The following ZNF229 variants were observed in gnomAD, a reference collection of about 807,000 sequenced individuals.
ZNF229 encodes zinc finger protein 229.
In ZNF229, 10 loss-of-function variants were observed where a neutral mutation model predicts 11.8. That is an observed-to-expected ratio of 0.85 (90% CI 0.52 to 1.44). The LOEUF is 1.44. ZNF229 is among the 40% of genes most tolerant of loss of function. ZNF229 has a pLI of 0.00. For missense variants in ZNF229, 1,045 were observed against 1,015.1 expected, an observed-to-expected ratio of 1.03 and a Z score of -0.40; for synonymous variants, 368 against 374.8, an observed-to-expected ratio of 0.98 and a Z score of 0.21.
intron 4 of ZNF229, among the ~76,000 whole-genome samples, chr19:44,436,417 C>G (rs1347350): frequency 2.6e-5 from 4 of 151,768 alleles, no homozygotes; most frequent in Admixed American, 2.6e-4. Context: ...AAAAAAAGGG[C>G]ACCATTACTA....
intron 2 of ZNF229, among the ~76,000 whole-genome samples, chr19:44,443,975 AC>A (rs1971961281): frequency 6.6e-6 from 1 of 152,042 alleles, no homozygotes; most frequent in Non-Finnish European, 1.5e-5. Flanking sequence ...ATCCAGCAAC[AC>A]ATGGTATAAA....
rs1971592403 is a variant in ZNF229 at position 44,427,241 on chromosome 19, C to CG, written c.*1061_*1062insC. 1 of 126,144 alleles carries CG rather than the reference C, an allele frequency of 7.9e-6. No individual in the cohort carries two copies. Among genetic ancestry groups the CG allele is most frequent in the South Asian group, 2.9e-4 (1 of 3,422 alleles). The allele number at this position is 126,144 out of a possible 1,614,324, so 7.8% of individuals were successfully genotyped here. A position where few individuals can be genotyped will look rare whatever the true frequency, so the allele number is the denominator to read the frequency against. ...ACCATATCAGACTGTTTCTACAACC[C>CG]CCCCCCCCGCCCCCACTGATGGGGG... On this transcript the variant is annotated 3_prime_UTR_variant, in exon 6 of 6. Coordinates refer to ENST00000614049, the MANE Select transcript of ZNF229 (RefSeq NM_014518.4).
rs1217151825 is a variant in ZNF229, at chr19:44,426,720, C to A, written c.*1583G>T. 1 of 152,166 alleles carries A rather than the reference C, an allele frequency of 6.6e-6. No homozygotes were observed. The highest frequency in any genetic ancestry group is 1.5e-5 in the Non-Finnish European group (1 of 68,038). 9.4% of individuals were successfully genotyped at this position (152,166 alleles called of 1,614,324 possible). A position where few individuals can be genotyped will look rare whatever the true frequency, so the allele number is the denominator to read the frequency against. ...ATTTAAAAACTCCACCTTCTGCATGCGTTTTTGCCCAAGTGGGCAACTATC... is the reference window on the plus strand; with the variant it reads ...ATTTAAAAACTCCACCTTCTGCATGAGTTTTTGCCCAAGTGGGCAACTATC... On this transcript the variant is annotated 3_prime_UTR_variant, in exon 6 of 6. Transcript: ENST00000614049.
intron 4 of ZNF229, among the ~76,000 whole-genome samples, chr19:44,436,036 G>A (rs1036565176): frequency 1.3e-5 from 2 of 152,118 alleles, no homozygotes; most frequent in African/African-American, 2.4e-5. Flanking sequence ...TTATGAACCC[G>A]ACACAGCATG....
At chr19:44,443,425 A>G (rs1268242947) in intron 2 of ZNF229, among the ~76,000 whole-genome samples, 2 of 152,224 alleles carry the variant, frequency 1.3e-5, no homozygotes, top group East Asian at 3.8e-4. Flanking sequence ...AAATCAGGAT[A>G]TAGATTAGAG....
intron 1 of ZNF229, among the ~76,000 whole-genome samples, chr19:44,447,916 C>G (rs1457562022): frequency 2.6e-5 from 4 of 152,188 alleles, no homozygotes; most frequent in Non-Finnish European, 4.4e-5. Flanking sequence ...GGGACACTTA[C>G]AAGTGAAATT....
In ZNF229 at chr19:44,442,992, C is replaced by A; in HGVS notation, c.-145G>T. 1 of 941,778 alleles carries A rather than the reference C, an allele frequency of 1.1e-6. No homozygotes were observed. The allele number at this position is 941,778 out of a possible 1,614,324, so 58.3% of individuals were successfully genotyped here. A position where few individuals can be genotyped will look rare whatever the true frequency, so the allele number is the denominator to read the frequency against. ...AAGTTCCTGTCTCCACCTTTACTGT[C>A]CAGAGCGCGACTGCTTCCCATGGTC... is the stretch of plus-strand genomic sequence containing the variant. On this transcript the variant is annotated 5_prime_UTR_variant, in exon 3 of 6. Transcript: ENST00000614049.
intron 4 of ZNF229, among the ~76,000 whole-genome samples, chr19:44,440,110 G>A (rs1202825360): frequency 6.6e-6 from 1 of 151,876 alleles, no homozygotes; most frequent in African/African-American, 2.4e-5. Context: ...TTGTGTAGGG[G>A]GGAGCTTGCT....
intron 4 of ZNF229, among the ~76,000 whole-genome samples, chr19:44,437,997 A>G (rs1971843193): frequency 6.6e-6 from 1 of 152,216 alleles, no homozygotes; most frequent in Non-Finnish European, 1.5e-5. Flanking sequence ...GGAGAGGATC[A>G]GGAAAAATAA....
rs1972023693 is a variant in ZNF229, at chr19:44,447,571, C to G, written c.-236G>C. The G allele has an allele frequency of 6.6e-6, 1 of 152,128 alleles. No homozygotes were observed. Among genetic ancestry groups the G allele is most frequent in the Non-Finnish European group, 1.5e-5 (1 of 68,018 alleles). 9.4% of individuals were successfully genotyped at this position (152,128 alleles called of 1,614,324 possible). A position where few individuals can be genotyped will look rare whatever the true frequency, so the allele number is the denominator to read the frequency against. On this transcript the variant is annotated 5_prime_UTR_variant, in exon 2 of 6. Coordinates refer to ENST00000614049, the MANE Select transcript of ZNF229 (RefSeq NM_014518.4). ...TTCTCCTTCTTTTATACAATTATCT[C>G]CGAGAAACGAACAATTCCAAGAAGG...
chr19:44,444,181 C>G (rs887245626), intron 2 of ZNF229, among the ~76,000 whole-genome samples: 1 of 152,214 alleles, frequency 6.6e-6, no homozygotes, highest in Non-Finnish European at 1.5e-5. Context: ...CAGAGCTACT[C>G]GGGAGGTAGT....
At position 44,442,871 on chromosome 19, in the gene ZNF229, C is replaced by T. The variant is rs151066361; in HGVS notation, c.-24G>A. The T allele has an allele frequency of 7.4e-4, 1,169 of 1,589,788 alleles. 7 individuals carry two copies. In the African/African-American group the frequency reaches 0.014, roughly 19 times the overall value. On this transcript the variant is annotated 5_prime_UTR_variant, in exon 3 of 6. Transcript: ENST00000614049. ...ATGGTCTCTTCTGCTAGGTTCTCTG[C>T]GAGCAGCAGCAACTGTATTTATTCT...
intron 4 of ZNF229, 140 bp from the exon 5 acceptor site, chr19:44,432,506 G>C: frequency 8.0e-7 from 1 of 1,244,856 alleles, no homozygotes; most frequent in Non-Finnish European, 1.1e-6. Flanking sequence ...ATACTATGCA[G>C]CCATAAAAAA....
intron 4 of ZNF229, among the ~76,000 whole-genome samples, chr19:44,440,153 T>A (rs938096097): frequency 1.3e-5 from 2 of 151,344 alleles, no homozygotes; most frequent in African/African-American, 4.9e-5. Flanking sequence ...TTTTTAAGTG[T>A]AAAAAAAATC....
intron 4 of ZNF229, among the ~76,000 whole-genome samples, chr19:44,440,400 C>T (rs767360622): frequency 9.9e-5 from 15 of 152,120 alleles, no homozygotes; most frequent in Non-Finnish European, 1.5e-4. Flanking sequence ...ATCCAGTAGG[C>T]ATTCCAGGAA....
Position 44,429,621 on chromosome 19 carries a change from C to A in ZNF229, c.1160G>T (p.Gly387Val). 8 of 1,614,062 alleles carry A rather than the reference C, an allele frequency of 5.0e-6. No homozygotes were observed. The highest frequency in any genetic ancestry group is 6.8e-6 in the Non-Finnish European group (8 of 1,180,014). Residue 387 changes from glycine to valine, a missense_variant, in exon 6 of 6, where the codon GGT becomes GTT. Gly to Val is a moderately radical substitution (Grantham distance 109). Coordinates refer to ENST00000614049, the MANE Select transcript of ZNF229 (RefSeq NM_014518.4). The stretch of plus-strand genomic sequence containing the variant: ...ATGGACAAGCAGGTTTGAACTTCGA[C>A]CAAATGCCTTCCCACACTCCTCACA... Reference protein sequence around the residue: ...YKCEECGKAFGRSSNLLVHQR... With the variant: ...YKCEECGKAFVRSSNLLVHQR...
At chr19:44,442,783 C>T (rs1409227757) in intron 3 of ZNF229, 31 bp downstream of exon 3, 8 of 1,425,534 alleles carry the variant, frequency 5.6e-6, no homozygotes, top group Admixed American at 1.7e-5. Context: ...TTTGGATTCT[C>T]CCCCCACCCA....
At chr19:44,446,214 T>G (rs983290140) in intron 2 of ZNF229, among the ~76,000 whole-genome samples, 26 of 152,134 alleles carry the variant, frequency 1.7e-4, no homozygotes, top group Non-Finnish European at 1.5e-5. Flanking sequence ...AATAATTCCA[T>G]GTAGGGATGA....
chr19:44,445,738 A>T (rs905047557), intron 2 of ZNF229, among the ~76,000 whole-genome samples: 1 of 152,078 alleles, frequency 6.6e-6, no homozygotes. Context: ...TTCTCCACCC[A>T]CAAGAATGTG....
Sources: allele counts gnomAD v4.1 joint callset (sites outside exome capture counted in the v4.1 genomes callset), GRCh38; gene constraint gnomAD v4.1.1; transcripts MANE v1.5; gene names NCBI Gene and HGNC (gene_info 2026-07-23, HGNC 2026-07-21).